Variants in ADARB2 observed in about 807,000 individuals in gnomAD.
ADARB2 encodes inactive double-stranded RNA-specific editase B2.
In ADARB2, 25 loss-of-function variants were observed where a neutral mutation model predicts 62.2. The observed-to-expected ratio is 0.40, with a 90% confidence interval of 0.29 to 0.56. ADARB2 has a LOEUF of 0.56. Among genes scored for constraint, ADARB2 ranks in the 20% least tolerant of loss-of-function variants. The probability of loss-of-function intolerance (pLI) is 0.43; values close to 1 mark genes in which losing one functional copy is unlikely to be tolerated. For missense variants in ADARB2, 1,071 were observed against 1,077.4 expected, an observed-to-expected ratio of 0.99 and a Z score of 0.08; for synonymous variants, 572 against 500.8, an observed-to-expected ratio of 1.14 and a Z score of -1.90.
chr10:1,273,619 C>T (rs935493566), intron 3 of ADARB2, among the ~76,000 whole-genome samples: 2 of 152,208 alleles, frequency 1.3e-5, no homozygotes, highest in Admixed American at 6.5e-5. Context: ...CGACCTTGCA[C>T]GCTGAGAGCT....
At chr10:1,208,695 A>C (rs1245275777) in intron 7 of ADARB2, among the ~76,000 whole-genome samples, 1 of 152,182 alleles carries the variant, frequency 6.6e-6, no homozygotes, top group African/African-American at 2.4e-5. Flanking sequence ...GGCAGCACCC[A>C]TGGGCTCTTA....
In ADARB2 at chr10:1,337,359, G is replaced by A. The variant is rs1831984202; in HGVS notation, c.1077+25669C>T. Among the ~76,000 whole-genome samples, 2 of 152,088 alleles carry A rather than the reference G, an allele frequency of 1.3e-5. 1 individual carries two copies. Among genetic ancestry groups the A allele is most frequent in the Admixed American group, 1.3e-4 (2 of 15,268 alleles). On this transcript the variant is annotated intron_variant, in intron 3 of 9. Coordinates refer to ENST00000381312, the MANE Select transcript of ADARB2 (RefSeq NM_018702.4). The stretch of plus-strand genomic sequence containing the variant: ...AGAAGGTGCACACTCACCTTAGATG[G>A]CAGGCTGGGCTCAACTACACCAAAT...
At chr10:1,540,099 G>GT (rs1832396483) in intron 1 of ADARB2, among the ~76,000 whole-genome samples, 1 of 152,256 alleles carries the variant, frequency 6.6e-6, no homozygotes, top group Admixed American at 6.5e-5. Flanking sequence ...GCTCTGACTT[G>GT]TTTTTAAAAT....
chr10:1,265,391 T>G (rs1269719025), intron 4 of ADARB2, among the ~76,000 whole-genome samples: 1 of 152,264 alleles, frequency 6.6e-6, no homozygotes, highest in East Asian at 1.9e-4. Flanking sequence ...GTTTGGCTAG[T>G]AAGTATTGTA....
At chr10:1,336,839 T>C (rs1474104506) in intron 3 of ADARB2, among the ~76,000 whole-genome samples, 1 of 152,180 alleles carries the variant, frequency 6.6e-6, no homozygotes, top group African/African-American at 2.4e-5. Flanking sequence ...CTTTCCATCG[T>C]CGTTGGTGAT....
rs138129541 is a variant in ADARB2 at position 1,318,276 on chromosome 10, A to C, written c.1077+44752T>G. On this transcript the variant is annotated intron_variant, in intron 3 of 9. Coordinates refer to ENST00000381312, the MANE Select transcript of ADARB2 (RefSeq NM_018702.4). ...TAACAGGAACGTGGTAAAGCCCATC[A>C]TGGTATGATTTGGTACCATTTGTTT... Among the ~76,000 whole-genome samples, 666 of 152,292 alleles carry C rather than the reference A, an allele frequency of 4.4e-3. 7 individuals carry two copies. Among genetic ancestry groups the C allele is most frequent in the African/African-American group, 0.015 (612 of 41,568 alleles).
intron 2 of ADARB2, among the ~76,000 whole-genome samples, chr10:1,371,507 A>G (rs1326137295): frequency 6.6e-6 from 1 of 152,208 alleles, no homozygotes; most frequent in Non-Finnish European, 1.5e-5. Flanking sequence ...AAAAAAGTAA[A>G]CAGACAACCT....
intron 1 of ADARB2, among the ~76,000 whole-genome samples, chr10:1,449,190 C>A (rs770649412): frequency 5.3e-5 from 8 of 152,184 alleles, no homozygotes; most frequent in Non-Finnish European, 1.0e-4. Context: ...CAGTCAGCCC[C>A]ACATGCTATT....
intron 2 of ADARB2, among the ~76,000 whole-genome samples, chr10:1,377,338 C>CTTTTCACTTTCTCTATCCCAGAT (rs1433052904): frequency 1.5e-5 from 2 of 136,586 alleles, no homozygotes; most frequent in African/African-American, 2.8e-5. Context: ...CTGGTGTGTG[C>CTTTTCACTTTCTCTATCCCAGAT]TCCTGGGGTG....
intron 1 of ADARB2, among the ~76,000 whole-genome samples, chr10:1,473,082 C>T (rs550761512): frequency 6.6e-6 from 1 of 152,230 alleles, no homozygotes; most frequent in African/African-American, 2.4e-5. Context: ...GAACGTGGGG[C>T]CCTGGAAGCA....
At chr10:1,418,834 A>T (rs925630697) in intron 1 of ADARB2, among the ~76,000 whole-genome samples, 21 of 149,438 alleles carry the variant, frequency 1.4e-4, no homozygotes, top group Non-Finnish European at 2.5e-4. Context: ...GAAAAAAAAA[A>T]ATCTATGTCT....
At chr10:1,648,078 G>A (rs1834068508) in intron 1 of ADARB2, among the ~76,000 whole-genome samples, 3 of 152,184 alleles carry the variant, frequency 2.0e-5, no homozygotes, top group Non-Finnish European at 2.9e-5. Context: ...ACATAGACAT[G>A]TTAGCAGAAA....
intron 1 of ADARB2, among the ~76,000 whole-genome samples, chr10:1,385,817 G>A (rs1832520793): frequency 6.6e-6 from 1 of 152,046 alleles, no homozygotes; most frequent in South Asian, 2.1e-4. Context: ...TAAATCTGAA[G>A]AAGACTGTAC....
chr10:1,736,422 G>A (rs1835301096), intron 1 of ADARB2, among the ~76,000 whole-genome samples: 1 of 152,160 alleles, frequency 6.6e-6, no homozygotes, highest in Non-Finnish European at 1.5e-5. Flanking sequence ...CTGCTTTCCT[G>A]GTTTGCGGTT....
chr10:1,473,734 A>G lies in ADARB2; in HGVS notation c.101-94574T>C, dbSNP rs151275530. Among the ~76,000 whole-genome samples the G allele has an allele frequency of 9.0e-4, 137 of 152,362 alleles. 1 individual carries two copies. Among genetic ancestry groups the G allele is most frequent in the Non-Finnish European group, 2.9e-4 (20 of 68,038 alleles). On this transcript the variant is annotated intron_variant, in intron 1 of 9. Transcript: ENST00000381312. ...TGTCCCCAGAGCCACAGCTGTCTAT[A>G]GAGGTCTATAGACATTAGGGAAATT...
chr10:1,557,204 A>C (rs913753051), intron 1 of ADARB2, among the ~76,000 whole-genome samples: 2 of 148,484 alleles, frequency 1.3e-5, no homozygotes, highest in East Asian at 4.2e-4. Context: ...CACTGTGTCC[A>C]GTCCATGGTG....
intron 1 of ADARB2, among the ~76,000 whole-genome samples, chr10:1,589,546 C>A (rs1833224302): frequency 6.6e-6 from 1 of 152,226 alleles, no homozygotes; most frequent in South Asian, 2.1e-4. Context: ...TCTGGGCATC[C>A]AGCTCCATCA....
At chr10:1,590,817 G>C (rs544322186) in intron 1 of ADARB2, among the ~76,000 whole-genome samples, 1 of 152,306 alleles carries the variant, frequency 6.6e-6, no homozygotes, top group East Asian at 1.9e-4. Context: ...GCCTTCTGGA[G>C]ACCTGATGCT....
intron 1 of ADARB2, among the ~76,000 whole-genome samples, chr10:1,595,025 T>C (rs2132010778): frequency 6.6e-6 from 1 of 152,270 alleles, no homozygotes; most frequent in Non-Finnish European, 1.5e-5. Context: ...AGGGGCTTGG[T>C]GGCTCATTCC....
Sources: allele counts gnomAD v4.1 joint callset (sites outside exome capture counted in the v4.1 genomes callset), GRCh38; gene constraint gnomAD v4.1.1; transcripts MANE v1.5; gene names NCBI Gene and HGNC (gene_info 2026-07-23, HGNC 2026-07-21).